Variants in PRKG1 observed in about 807,000 individuals in gnomAD.
PRKG1 encodes protein kinase cGMP-dependent 1, also known as cGMP-dependent protein kinase 1.
Under a neutral mutation model 88.1 loss-of-function variants are expected in PRKG1, and 35 were observed. That is an observed-to-expected ratio of 0.40 (90% confidence interval 0.30 to 0.53). The LOEUF is 0.53. Among genes scored for constraint, PRKG1 ranks in the 20% least tolerant of loss-of-function variants. The pLI, the probability that PRKG1 is intolerant of heterozygous loss-of-function variation, is 0.59. For synonymous variants in PRKG1, 303 were observed against 292.5 expected (o/e 1.04, Z -0.37); for missense variants, 540 against 839.8 (o/e 0.64, Z 4.41).
chr10:51,824,180 C>T (rs1433259138), intron 4 of PRKG1, among the ~76,000 whole-genome samples: 1 of 152,046 alleles, frequency 6.6e-6, no homozygotes, highest in Non-Finnish European at 1.5e-5. Flanking sequence ...GGCCTATTAT[C>T]AAGGATTTGT....
chr10:51,277,970 G>T (rs1429097716), intron 2 of PRKG1, among the ~76,000 whole-genome samples: 2 of 152,126 alleles, frequency 1.3e-5, no homozygotes, highest in African/African-American at 2.4e-5. Context: ...GATTGCCCTG[G>T]CTAGAACTTC....
chr10:51,386,589 G>A (rs543112883), intron 2 of PRKG1, among the ~76,000 whole-genome samples: 10 of 152,222 alleles, frequency 6.6e-5, no homozygotes, highest in East Asian at 1.9e-4. Flanking sequence ...TTTTTGTGCC[G>A]TTCAGGTATT....
intron 4 of PRKG1, among the ~76,000 whole-genome samples, chr10:51,867,582 G>A (rs1028155144): frequency 6.6e-6 from 1 of 152,058 alleles, no homozygotes; most frequent in Admixed American, 6.6e-5. Flanking sequence ...TAAATGTGGG[G>A]GAAGCAAGGG....
intron 9 of PRKG1, among the ~76,000 whole-genome samples, chr10:52,233,361 G>A (rs1054242870): frequency 1.3e-5 from 2 of 151,946 alleles, no homozygotes; most frequent in Non-Finnish European, 2.9e-5. Flanking sequence ...CAGCGTGAGC[G>A]ACGCAGAAGA....
chr10:51,599,252 G>A (rs554825433), intron 3 of PRKG1, among the ~76,000 whole-genome samples: 1 of 152,216 alleles, frequency 6.6e-6, no homozygotes, highest in South Asian at 2.1e-4. Context: ...TCATACCTGG[G>A]GTTGGGTGTT....
chr10:52,030,659 C>T (rs1845452356), intron 5 of PRKG1, among the ~76,000 whole-genome samples: 1 of 152,086 alleles, frequency 6.6e-6, no homozygotes, highest in Admixed American at 6.6e-5. Flanking sequence ...TGGGAAGTGA[C>T]CATGTAAGAG....
At chr10:52,256,728 G>T (rs1841317500) in intron 10 of PRKG1, among the ~76,000 whole-genome samples, 1 of 139,642 alleles carries the variant, frequency 7.2e-6, no homozygotes, top group East Asian at 2.1e-4. Flanking sequence ...CTTTTCCATT[G>T]CTAGGCCAAG....
intron 3 of PRKG1, among the ~76,000 whole-genome samples, chr10:51,782,744 C>G (rs976922963): frequency 2.0e-5 from 3 of 152,070 alleles, no homozygotes; most frequent in Non-Finnish European, 4.4e-5. Flanking sequence ...TGCATATTCC[C>G]CATTCTGTCT....
chr10:51,411,057 G>A (rs1354134166), intron 2 of PRKG1, among the ~76,000 whole-genome samples: 1 of 151,754 alleles, frequency 6.6e-6, no homozygotes, highest in African/African-American at 2.4e-5. Context: ...GCAATACAGT[G>A]GTGTGATCTC....
chr10:51,115,094 T>C (rs1023707784), intron 1 of PRKG1, among the ~76,000 whole-genome samples: 1 of 151,552 alleles, frequency 6.6e-6, no homozygotes, highest in Non-Finnish European at 1.5e-5. Context: ...GGCGGGCAGA[T>C]CACGAGGTCA....
intron 1 of PRKG1, among the ~76,000 whole-genome samples, chr10:51,098,317 T>G (rs1014949693): frequency 6.6e-6 from 1 of 152,180 alleles, no homozygotes; most frequent in African/African-American, 2.4e-5. Context: ...AGCATAGTTG[T>G]GAGGATTAAA....
intron 3 of PRKG1, among the ~76,000 whole-genome samples, chr10:51,594,838 T>C (rs1223920330): frequency 6.6e-6 from 1 of 152,232 alleles, no homozygotes; most frequent in African/African-American, 2.4e-5. Context: ...TTGTTTGTCT[T>C]AGACTTTAGT....
At chr10:51,396,396 A>G (rs964722568) in intron 2 of PRKG1, among the ~76,000 whole-genome samples, 2 of 143,120 alleles carry the variant, frequency 1.4e-5, no homozygotes, top group African/African-American at 2.6e-5. Context: ...ACTGTCACTG[A>G]AAAAAAAAAA....
chr10:51,474,505 T>C (rs1191186538), intron 3 of PRKG1, among the ~76,000 whole-genome samples: 2 of 151,978 alleles, frequency 1.3e-5, no homozygotes, highest in African/African-American at 2.4e-5. Flanking sequence ...CTTAGAGACA[T>C]ACAATGGGCA....
chr10:51,164,511 G>A (rs372473444), intron 2 of PRKG1, among the ~76,000 whole-genome samples: 45 of 152,338 alleles, frequency 3.0e-4, no homozygotes, highest in African/African-American at 7.9e-4. Context: ...CCAAAGGAAC[G>A]CAGCTCCTCA....
At chr10:50,992,056 A>AC (rs1202953402) in intron 1 of PRKG1, among the ~76,000 whole-genome samples, 2 of 151,114 alleles carry the variant, frequency 1.3e-5, no homozygotes. Flanking sequence ...CCCAGCGGCG[A>AC]CCCCCCGGAC....
At chr10:52,177,913 G>C (rs553533085) in intron 9 of PRKG1, among the ~76,000 whole-genome samples, 1 of 146,508 alleles carries the variant, frequency 6.8e-6, no homozygotes, top group African/African-American at 2.5e-5. Flanking sequence ...ATGGTGTGTT[G>C]ATTTTGCATA....
chr10:51,722,944 G>A (rs1842048011), intron 3 of PRKG1, among the ~76,000 whole-genome samples: 1 of 152,120 alleles, frequency 6.6e-6, no homozygotes, highest in Non-Finnish European at 1.5e-5. Flanking sequence ...CAAGTGGAAG[G>A]ATTTACCCAA....
At chr10:51,233,309 A>T (rs192365050) in intron 2 of PRKG1, among the ~76,000 whole-genome samples, 2 of 152,310 alleles carry the variant, frequency 1.3e-5, no homozygotes, top group East Asian at 3.9e-4. Context: ...AAAAGTCTTC[A>T]TGAGAACACC....
Sources: gnomAD v4.1 joint callset for allele counts (sites outside exome capture counted in the v4.1 genomes callset) on GRCh38, gnomAD v4.1.1 for gene constraint, MANE v1.5 for transcripts, NCBI Gene and HGNC (gene_info 2026-07-23, HGNC 2026-07-21) for gene names.